TDRD5: variants seen among roughly 807,000 people sequenced by gnomAD.
TDRD5 encodes tudor domain-containing protein 5.
Under a neutral mutation model 120.6 loss-of-function variants are expected in TDRD5, and 41 were observed. The observed-to-expected ratio is 0.34, with a 90% CI of 0.26 to 0.44. The LOEUF (loss-of-function observed/expected upper bound fraction) is 0.44. Ranked by LOEUF, TDRD5 falls within the 20% of genes least tolerant of loss-of-function variation. TDRD5 has a pLI of 1.00. For synonymous variants in TDRD5, 430 were observed against 433.7 expected, an observed-to-expected ratio of 0.99 and a Z score of 0.11; for missense variants, 1,006 against 1,221.2, an observed-to-expected ratio of 0.82 and a Z score of 2.63.
chr1:179,663,360 T>G lies in TDRD5; in HGVS notation c.2518T>G (p.Ser840Ala), dbSNP rs1679405345. Residue 840 changes from serine (S) to alanine (A), a missense_variant, in exon 16 of 18, where the codon TCT becomes GCT. Around this residue, in one of 3 missense-constraint regions of TDRD5, gnomAD observed 403 missense variants for 448.1 expected, o/e 0.90. Transcript: ENST00000444136. ...KEMPQKDWCFSTPKDTWDDSW... is the reference protein window; with the variant it reads ...KEMPQKDWCFATPKDTWDDSW... The stretch of plus-strand genomic sequence containing the variant: ...TTTTTCATTATAGGACTGGTGTTTT[T>G]CTACCCCTAAAGATACATGGGATGA... The G allele has an allele frequency of 6.2e-7, 1 of 1,611,210 alleles. No homozygotes were observed. Among genetic ancestry groups the G allele is most frequent in the Non-Finnish European group, 8.5e-7 (1 of 1,179,332 alleles).
chr1:179,687,960 A>G (rs1479291983), intron 17 of TDRD5, among the ~76,000 whole-genome samples: 2 of 150,720 alleles, frequency 1.3e-5, no homozygotes, highest in African/African-American at 4.9e-5. Context: ...GATGGGTCTC[A>G]TGAATACAGC....
At chr1:179,648,627 G>GA (rs537409712) in intron 11 of TDRD5, among the ~76,000 whole-genome samples, 40 of 138,952 alleles carry the variant, frequency 2.9e-4, no homozygotes, top group South Asian at 4.7e-4. Flanking sequence ...CCACCCTGAG[G>GA]AAAAAAAAAA....
At chr1:179,675,926 G>C (rs1472112160) in intron 17 of TDRD5, among the ~76,000 whole-genome samples, 1 of 152,140 alleles carries the variant, frequency 6.6e-6, no homozygotes, top group African/African-American at 2.4e-5. Flanking sequence ...TTGACTTTCT[G>C]TCTAGTGCTG....
Position 179,622,880 on chromosome 1 carries a change from A to G in TDRD5, c.972+1789A>G, listed in dbSNP as rs1170681951. ...TTCCCAAATCTTGTGAAAGAAGTTTATAAATCTAAGAAGCCCAGAAAACCC... is the reference window on the plus strand; with the variant it reads ...TTCCCAAATCTTGTGAAAGAAGTTTGTAAATCTAAGAAGCCCAGAAAACCC... On this transcript the variant is annotated intron_variant, in intron 6 of 17. Coordinates refer to ENST00000444136, the MANE Select transcript of TDRD5 (RefSeq NM_001199085.3). Among the ~76,000 whole-genome samples the G allele has an allele frequency of 2.6e-5, 4 of 152,222 alleles. No individual in the cohort carries two copies. The East Asian group carries it at 7.7e-4, about 29-fold the overall frequency.
chr1:179,640,554 C>A, intron 11 of TDRD5, 109 bp downstream of exon 11: 1 of 1,161,236 alleles, frequency 8.6e-7, no homozygotes, highest in Non-Finnish European at 1.3e-6. Context: ...AACCAGCCTT[C>A]AAAGAAGTCA....
intron 6 of TDRD5, among the ~76,000 whole-genome samples, chr1:179,625,099 G>A (rs1475663251): frequency 6.8e-6 from 1 of 147,050 alleles, no homozygotes; most frequent in African/African-American, 2.5e-5. Flanking sequence ...AAATGATGCT[G>A]GAACAACTGA....
At position 179,690,856 on chromosome 1, in the gene TDRD5, C is replaced by A; in HGVS notation, c.3021C>A (p.Ala1007=). 5 of 1,614,072 alleles carry A rather than the reference C, an allele frequency of 3.1e-6. No individual in the cohort carries two copies. The highest frequency in any genetic ancestry group is 4.2e-6 in the Non-Finnish European group (5 of 1,180,000). The change falls in exon 18 of 18, where the codon GCC becomes GCA. Residue 1007 remains alanine (A), a synonymous_variant. Transcript: ENST00000444136. The part of the protein sequence containing the change: ...SQKLYIPRST[A]TAALGAAARL... ...AGCTCTACATTCCTCGAAGTACAGC[C>A]ACTGCTGCCTTAGGTGCTGCCGCAC...
At chr1:179,609,370 G>T (rs1676162827) in intron 4 of TDRD5, among the ~76,000 whole-genome samples, 1 of 152,062 alleles carries the variant, frequency 6.6e-6, no homozygotes, top group African/African-American at 2.4e-5. Flanking sequence ...ATAATTTTGT[G>T]CATGAAACAA....
At chr1:179,608,143 T>C (rs1676078962) in intron 4 of TDRD5, among the ~76,000 whole-genome samples, 1 of 152,086 alleles carries the variant, frequency 6.6e-6, no homozygotes, top group Non-Finnish European at 1.5e-5. Context: ...TTTCTGACAA[T>C]GTCTGTAATA....
intron 17 of TDRD5, among the ~76,000 whole-genome samples, chr1:179,671,878 G>C (rs940708889): frequency 6.6e-6 from 1 of 151,710 alleles, no homozygotes; most frequent in Non-Finnish European, 1.5e-5. Flanking sequence ...TAGAATAATA[G>C]TCTCGAATTC....
intron 17 of TDRD5, among the ~76,000 whole-genome samples, chr1:179,680,056 T>G (rs1391075401): frequency 1.9e-4 from 29 of 152,184 alleles, no homozygotes; most frequent in Admixed American, 1.9e-3. Flanking sequence ...CCTTGTGAAT[T>G]TTCTTCTTGA....
At chr1:179,599,932 A>G (rs1010087542) in intron 4 of TDRD5, among the ~76,000 whole-genome samples, 1 of 152,192 alleles carries the variant, frequency 6.6e-6, no homozygotes, top group East Asian at 1.9e-4. Context: ...TGTACAATAC[A>G]TAATAGTTGA....
intron 16 of TDRD5, among the ~76,000 whole-genome samples, chr1:179,664,086 G>A (rs568838771): frequency 6.6e-6 from 1 of 152,286 alleles, no homozygotes; most frequent in Admixed American, 6.5e-5. Context: ...AAGAGCTTAA[G>A]TCTAGAAGAC....
In TDRD5 at chr1:179,612,205, GA is replaced by G. The variant is rs996251404; in HGVS notation, c.832-6386del. On this transcript the variant is annotated intron_variant, in intron 4 of 17. Transcript: ENST00000444136. The stretch of plus-strand genomic sequence containing the variant: ...CACAAGAAAATATTATTAAAATGAA[GA>G]AAAAAAAGTTTTTCCTTTGTAAAAT... Among the ~76,000 whole-genome samples the G allele has an allele frequency of 9.9e-5, 15 of 151,934 alleles. No individual in the cohort carries two copies. The East Asian group carries it at 1.9e-3, about 20-fold the overall frequency.
chr1:179,623,625 C>CTTTTTT (rs11428251), intron 6 of TDRD5, among the ~76,000 whole-genome samples: 29 of 97,862 alleles, frequency 3.0e-4, no homozygotes, highest in Non-Finnish European at 3.8e-4. Context: ...CCAACTCATT[C>CTTTTTT]TTTTTTTTTT....
At chr1:179,593,414 G>A (rs746041537) in intron 2 of TDRD5, 46 bp from the exon 3 acceptor site, 2 of 1,569,000 alleles carry the variant, frequency 1.3e-6, no homozygotes. Context: ...ATAAAGAAGG[G>A]AGTAAGTTTT....
chr1:179,650,400 C>CAAAAAAAAAAA (rs35053562), intron 11 of TDRD5, among the ~76,000 whole-genome samples: 1 of 90,960 alleles, frequency 1.1e-5, no homozygotes, highest in Admixed American at 1.3e-4. Context: ...GACTCTGTCT[C>CAAAAAAAAAAA]AAAAAAAAAA....
chr1:179,631,021 A>G, intron 7 of TDRD5, 101 bp downstream of exon 7: 3 of 1,130,672 alleles, frequency 2.7e-6, no homozygotes, highest in East Asian at 4.8e-5. Context: ...GTTTTATAAA[A>G]TGACCTCCTT....
intron 4 of TDRD5, among the ~76,000 whole-genome samples, chr1:179,611,272 G>A (rs1034324731): frequency 2.6e-5 from 4 of 152,016 alleles, no homozygotes; most frequent in East Asian, 3.9e-4. Context: ...GGTTGGTCTC[G>A]AATTCCTGAC....
Sources: allele counts gnomAD v4.1 joint callset (sites outside exome capture counted in the v4.1 genomes callset), GRCh38; gene constraint gnomAD v4.1.1; regional missense constraint gnomAD v4.1.1; transcripts MANE v1.5; gene names NCBI Gene and HGNC (gene_info 2026-07-23, HGNC 2026-07-21).